The following UBR4 variants were observed in gnomAD, a reference collection of about 807,000 sequenced individuals.
UBR4 encodes E3 ubiquitin-protein ligase UBR4.
In UBR4, 124 loss-of-function variants were observed where a neutral mutation model predicts 575.6. The ratio of observed to expected loss-of-function variants is 0.22; its 90% CI spans 0.19 to 0.25. The LOEUF is 0.25. Among genes scored for constraint, UBR4 ranks in the 10% least tolerant of loss-of-function variants. UBR4 has a pLI of 1.00. For synonymous variants in UBR4, 2,455 were observed against 2,473.7 expected (o/e 0.99, Z 0.22); for missense variants, 4,818 against 6,478.8 (o/e 0.74, Z 8.80).
intron 9 of UBR4, 132 bp downstream of exon 9, chr1:19,193,301 C>T: frequency 6.3e-6 from 8 of 1,272,226 alleles, no homozygotes; most frequent in Non-Finnish European, 7.6e-6. Context: ...ACCTCTTAGA[C>T]CTACTAGTGC....
chr1:19,199,651 C>T lies in UBR4; in HGVS notation c.378G>A (p.Gln126=). 1 of 1,614,016 alleles carries T rather than the reference C, an allele frequency of 6.2e-7. No individual in the cohort carries two copies. Among genetic ancestry groups the T allele is most frequent in the Non-Finnish European group, 8.5e-7 (1 of 1,179,946 alleles). The change falls in exon 3 of 106, where the codon CAG becomes CAA. Residue 126 remains glutamine (Q), a splice_region_variant and synonymous_variant. Coordinates refer to ENST00000375254, the MANE Select transcript of UBR4 (RefSeq NM_020765.3). The part of the protein sequence containing the change: ...ENPDEACAVS[Q]KHLILLIKGL... ...CAAGAAATGGGCCCATCACTCTCAC[C>T]TGGGACACAGCACAAGCCTCATCTG...
At position 19,104,124 on chromosome 1, in the gene UBR4, C is replaced by A. The variant is rs370614255; in HGVS notation, c.12861G>T (p.Thr4287=). 15 of 1,614,124 alleles carry A rather than the reference C, an allele frequency of 9.3e-6. No individual in the cohort carries two copies. The African/African-American group carries it at 1.7e-4, about 19-fold the overall frequency. The change falls in exon 87 of 106, where the codon ACG becomes ACT. Residue 4287 remains threonine, a synonymous_variant. Transcript: ENST00000375254. ...CCAGCATCTCCAGCAGCATGTCCTG[C>A]GTCTCATCGATCAGCTTGGTCCTCT... ...VVQRTKLIDE[T]QDMLLEMLED...
intron 85 of UBR4, 86 bp from the exon 86 acceptor site, chr1:19,104,752 C>G: frequency 4.3e-6 from 6 of 1,384,158 alleles, no homozygotes; most frequent in Non-Finnish European, 6.1e-6. Flanking sequence ...GCTTGCAGCA[C>G]CAGACACTCT....
intron 34 of UBR4, 141 bp downstream of exon 34, chr1:19,163,623 C>T (rs2150605242): frequency 1.0e-6 from 1 of 962,230 alleles, no homozygotes; most frequent in Non-Finnish European, 1.7e-6. Context: ...CTACATATTT[C>T]CAGTCTTTGA....
chr1:19,134,799 C>T (rs565841215), intron 60 of UBR4, among the ~76,000 whole-genome samples: 1 of 151,804 alleles, frequency 6.6e-6, no homozygotes, highest in African/African-American at 2.4e-5. Context: ...TAAAAGTAAA[C>T]TGTAATACAT....
At chr1:19,155,181 T>G in intron 43 of UBR4, 106 bp from the exon 44 acceptor site, 2 of 1,471,092 alleles carry the variant, frequency 1.4e-6, no homozygotes, top group Non-Finnish European at 1.9e-6. Context: ...GCTCTCATAC[T>G]CTAAGCATGA....
chr1:19,173,754 C>G (rs1571443332), intron 22 of UBR4, 133 bp from the exon 23 acceptor site: 1 of 851,132 alleles, frequency 1.2e-6, no homozygotes, highest in East Asian at 2.7e-5. Context: ...GAGATTTGGC[C>G]CCCAAGTCCA....
At chr1:19,105,705 C>T (rs1449659535) in intron 84 of UBR4, 28 bp downstream of exon 84, 25 of 1,525,334 alleles carry the variant, frequency 1.6e-5, no homozygotes, top group East Asian at 2.3e-5. Flanking sequence ...AGTCTAACCA[C>T]GCTCCTCATC....
At chr1:19,128,089 G>A in intron 62 of UBR4, 122 bp downstream of exon 62, 1 of 937,236 alleles carries the variant, frequency 1.1e-6, no homozygotes, top group Non-Finnish European at 1.7e-6. Flanking sequence ...TCAACAGAAT[G>A]CAGCCCTCAG....
chr1:19,190,312 A>AAAAAAAAATAT, intron 11 of UBR4, among the ~76,000 whole-genome samples: 9 of 79,922 alleles, frequency 1.1e-4, no homozygotes, highest in South Asian at 8.3e-4. Flanking sequence ...AAAAAAAAAA[A>AAAAAAAAATAT]ATATATATAT....
At chr1:19,195,109 A>T (rs2092369545) in intron 8 of UBR4, among the ~76,000 whole-genome samples, 1 of 151,220 alleles carries the variant, frequency 6.6e-6, no homozygotes, top group Non-Finnish European at 1.5e-5. Flanking sequence ...AAATACAAAA[A>T]AAAAAATTAG....
At position 19,086,683 on chromosome 1, in the gene UBR4, C is replaced by T. The variant is rs1173913454; in HGVS notation, c.14683G>A (p.Val4895Ile). The T allele has an allele frequency of 6.8e-6, 11 of 1,613,780 alleles. No homozygotes were observed. The highest frequency in any genetic ancestry group is 1.3e-5 in the African/African-American group (1 of 74,942). Residue 4895 changes from valine to isoleucine, a missense_variant, in exon 100 of 106, where the codon GTC becomes ATC. Coordinates refer to ENST00000375254, the MANE Select transcript of UBR4 (RefSeq NM_020765.3). The part of the protein sequence containing the change: ...IVHYDCHLAA[V>I]RLARGREEWE... The stretch of plus-strand genomic sequence containing the variant: ...TCCGCAAGAGCCAGGGCCTACCTGA[C>T]GGCAGCCAGATGGCAGTCGTAGTGC...
chr1:19,095,163 T>A, intron 93 of UBR4, 138 bp from the exon 94 acceptor site: 8 of 1,267,942 alleles, frequency 6.3e-6, no homozygotes, highest in Non-Finnish European at 7.7e-6. Flanking sequence ...TGTATGTGCG[T>A]GTATATGCAT....
intron 8 of UBR4, among the ~76,000 whole-genome samples, chr1:19,195,646 T>G (rs1268604978): frequency 6.6e-6 from 1 of 152,130 alleles, no homozygotes. Flanking sequence ...AGAACATATT[T>G]TCACATGTAT....
Position 19,084,628 on chromosome 1 carries a change from T to G in UBR4, c.14884A>C (p.Lys4962Gln). The stretch of plus-strand genomic sequence containing the variant: ...ATGGCGAAGCGCAGGAAGAGCAGTT[T>G]GATGTCATGGATGTTGAGCTGATAC... ...PTYQLNIHDI[K>Q]LLFLRFAMEQ... The change falls in exon 102 of 106, where the codon AAA (lysine) becomes CAA (glutamine). Residue 4962 changes from lysine to glutamine, a missense_variant. Lys to Gln is a moderately conservative substitution (Grantham distance 53). Transcript: ENST00000375254. 1 of 1,614,118 alleles carries G rather than the reference T, an allele frequency of 6.2e-7. No homozygotes were observed. Among genetic ancestry groups the G allele is most frequent in the Non-Finnish European group, 8.5e-7 (1 of 1,179,964 alleles).
intron 34 of UBR4, among the ~76,000 whole-genome samples, 175 bp downstream of exon 34, chr1:19,163,589 T>G (rs2087766203): frequency 6.6e-6 from 1 of 152,224 alleles, no homozygotes. Flanking sequence ...AGCCAAAACA[T>G]GCCTAAAGGC....
intron 51 of UBR4, among the ~76,000 whole-genome samples, chr1:19,147,663 C>T (rs1239504551): frequency 6.6e-6 from 1 of 152,214 alleles, no homozygotes; most frequent in African/African-American, 2.4e-5. Context: ...AAAACACTAG[C>T]AGTCTATTTC....
At chr1:19,112,930 A>C (rs1018215309) in intron 77 of UBR4, 63 bp from the exon 78 acceptor site, 42 of 1,490,014 alleles carry the variant, frequency 2.8e-5, no homozygotes, top group Non-Finnish European at 3.4e-5. Context: ...GATGTTAATT[A>C]GAAAATTAGT....
In UBR4 at chr1:19,174,926, T is replaced by G. The variant is rs199878470; in HGVS notation, c.2853+28A>C. 8,480 of 1,600,678 alleles carry G rather than the reference T, an allele frequency of 5.3e-3. 33 individuals are homozygous for G. The highest frequency in any genetic ancestry group is 6.5e-3 in the Non-Finnish European group (7,648 of 1,169,244). On this transcript the variant is annotated intron_variant, in intron 21 of 105. Transcript: ENST00000375254. Reference sequence around the variant, plus strand: ...TGGTGGAAACCATCTGACCCACATATAAAATGCAGTTTTAAAATTCCTAGT... The same window carrying G: ...TGGTGGAAACCATCTGACCCACATAGAAAATGCAGTTTTAAAATTCCTAGT...
Sources: allele counts gnomAD v4.1 joint callset (sites outside exome capture counted in the v4.1 genomes callset), GRCh38; gene constraint gnomAD v4.1.1; transcripts MANE v1.5; gene names NCBI Gene and HGNC (gene_info 2026-07-23, HGNC 2026-07-21).